AGBL3: variants seen among roughly 807,000 people sequenced by gnomAD.
AGBL3 encodes the protein cytosolic carboxypeptidase 3.
A neutral mutation model predicts 94.5 loss-of-function variants in AGBL3; 68 were observed. The observed-to-expected ratio is 0.72, with a 90% CI of 0.59 to 0.88. AGBL3 has a LOEUF of 0.88. AGBL3 is among the 40% of genes least tolerant of loss of function. The pLI is 0.00. For synonymous variants in AGBL3, 354 were observed against 370.7 expected (o/e 0.95, Z 0.52); for missense variants, 934 against 1,103.8 (o/e 0.85, Z 2.18).
chr7:135,060,769 A>C (rs1563226793), intron 12 of AGBL3, among the ~76,000 whole-genome samples: 1 of 152,262 alleles, frequency 6.6e-6, no homozygotes, highest in Admixed American at 6.5e-5. Context: ...ATCGTGCTAC[A>C]TACCACATTT....
intron 4 of AGBL3, chr7:134,995,411 T>G (rs2133383376): frequency 6.6e-6 from 1 of 152,356 alleles, no homozygotes. Context: ...AGCCCTCACT[T>G]TCAGCCGTCA....
Position 135,130,706 on chromosome 7 carries a change from A to C in AGBL3, c.2343-4135A>C, listed in dbSNP as rs6949706. On this transcript the variant is annotated intron_variant, in intron 16 of 16. Transcript: ENST00000436302. ...TGTATATGCATATAGTGACAGTATA[A>C]CCTGTCTATACCACTGTAGTTCCAG... Among the ~76,000 whole-genome samples, 1,064 of 152,206 alleles carry C rather than the reference A, an allele frequency of 7.0e-3. 15 individuals carry two copies. The highest frequency in any genetic ancestry group is 0.024 in the African/African-American group (1,013 of 41,536).
At chr7:135,032,822 T>G in intron 5 of AGBL3, 22 bp from the exon 6 acceptor site, 1 of 1,536,388 alleles carries the variant, frequency 6.5e-7, no homozygotes, top group Non-Finnish European at 8.8e-7. Flanking sequence ...TTGACATCTT[T>G]ATGATCTTCT....
intron 16 of AGBL3, among the ~76,000 whole-genome samples, chr7:135,126,116 A>G (rs1019760236): frequency 3.9e-5 from 6 of 152,228 alleles, no homozygotes. Context: ...CTCTGTTTGC[A>G]GATGACATGA....
chr7:135,070,589 G>A (rs1160365008), intron 12 of AGBL3, among the ~76,000 whole-genome samples: 5 of 151,982 alleles, frequency 3.3e-5, no homozygotes, highest in African/African-American at 1.2e-4. Context: ...ATCAATAAAC[G>A]TAATCCAGCA....
chr7:135,045,562 C>T lies in AGBL3; in HGVS notation c.1716C>T (p.Pro572=), dbSNP rs370218259. 10 of 1,550,832 alleles carry T rather than the reference C, an allele frequency of 6.4e-6. No individual in the cohort carries two copies. Among genetic ancestry groups the T allele is most frequent in the South Asian group, 1.2e-5 (1 of 84,028 alleles). ...ATTCTCTCTTGGATTATTGTGATCC[C>T]GACCGGACCAAGGTAAGCAAAGTCC... ...FCDSLLDYCD[P]DRTKYYRCLK... is the part of the protein sequence containing the mutation. The change falls in exon 10 of 17, where the codon CCC becomes CCT. Residue 572 remains proline (P), a synonymous_variant. Transcript: ENST00000436302.
chr7:135,023,354 G>A (rs1182996817), intron 5 of AGBL3, among the ~76,000 whole-genome samples: 1 of 152,154 alleles, frequency 6.6e-6, no homozygotes, highest in Non-Finnish European at 1.5e-5. Flanking sequence ...GAGAAAGCTA[G>A]GAACCCTGCA....
chr7:135,112,223 G>C (rs1001416460), intron 15 of AGBL3, among the ~76,000 whole-genome samples: 9 of 152,090 alleles, frequency 5.9e-5, no homozygotes, highest in African/African-American at 2.2e-4. Context: ...TTGTCTCCCT[G>C]CCTTGTGTTT....
rs1809676692 is a variant in AGBL3, at chr7:134,987,912, C to G, written c.-22C>G. ...AGCCTACCCGTATATTACAAGAAATCTCAAGTCAAACACTGGAAAAGATGT... is the reference window on the plus strand; with the variant it reads ...AGCCTACCCGTATATTACAAGAAATGTCAAGTCAAACACTGGAAAAGATGT... On this transcript the variant is annotated 5_prime_UTR_variant, in exon 2 of 17. It adds an upstream start codon to the 5' untranslated region. Transcript: ENST00000436302. The G allele has an allele frequency of 2.0e-6, 3 of 1,536,602 alleles. No homozygotes were observed. Among genetic ancestry groups the G allele is most frequent in the Non-Finnish European group, 2.6e-6 (3 of 1,138,296 alleles).
intron 11 of AGBL3, among the ~76,000 whole-genome samples, chr7:135,047,928 A>G (rs1817523831): frequency 1.3e-5 from 2 of 151,920 alleles, no homozygotes; most frequent in Non-Finnish European, 2.9e-5. Context: ...TGTCGTATCT[A>G]TGAAATCTTT....
At chr7:135,115,677 TTAA>T in intron 16 of AGBL3, 66 bp downstream of exon 16, 1 of 1,286,820 alleles carries the variant, frequency 7.8e-7, no homozygotes, top group Non-Finnish European at 1.1e-6. Flanking sequence ...GCAGGGCTTA[TTAA>T]TTTATTATCC....
intron 4 of AGBL3, among the ~76,000 whole-genome samples, chr7:135,009,561 A>G (rs2133452380): frequency 6.6e-6 from 1 of 151,976 alleles, no homozygotes; most frequent in South Asian, 2.1e-4. Context: ...CTTATTATAG[A>G]TTAAGTATTT....
intron 11 of AGBL3, among the ~76,000 whole-genome samples, chr7:135,048,084 C>T (rs1228191444): frequency 6.6e-6 from 1 of 151,794 alleles, no homozygotes; most frequent in Non-Finnish European, 1.5e-5. Flanking sequence ...TAGCCAGTTT[C>T]CCACCATTAT....
intron 3 of AGBL3, among the ~76,000 whole-genome samples, chr7:134,990,450 G>A (rs912304204): frequency 1.3e-5 from 2 of 152,082 alleles, no homozygotes; most frequent in African/African-American, 4.8e-5. Context: ...TTGTTGAGAG[G>A]TATTCCATTA....
At chr7:135,086,446 G>A (rs1426569510) in intron 15 of AGBL3, among the ~76,000 whole-genome samples, 1 of 152,028 alleles carries the variant, frequency 6.6e-6, no homozygotes, top group Non-Finnish European at 1.5e-5. Context: ...GATATTGGGT[G>A]CGGGTTTGTC....
At chr7:135,008,748 A>G (rs1252908540) in intron 4 of AGBL3, among the ~76,000 whole-genome samples, 1 of 152,200 alleles carries the variant, frequency 6.6e-6, no homozygotes, top group African/African-American at 2.4e-5. Flanking sequence ...TTATCTGACA[A>G]AGGACTTCTA....
At chr7:135,026,987 CGTTTA>C (rs1222451963) in intron 5 of AGBL3, among the ~76,000 whole-genome samples, 5 of 151,626 alleles carry the variant, frequency 3.3e-5, no homozygotes, top group African/African-American at 1.2e-4. Context: ...GTATACCTCA[CGTTTA>C]GTTTGATTGG....
intron 12 of AGBL3, among the ~76,000 whole-genome samples, chr7:135,068,366 A>T (rs1323230024): frequency 1.4e-4 from 21 of 152,306 alleles, no homozygotes; most frequent in Non-Finnish European, 5.9e-5. Context: ...CAACATTCAA[A>T]TTCAGGAAAT....
chr7:135,124,102 T>C (rs903839472), intron 16 of AGBL3, among the ~76,000 whole-genome samples: 6 of 151,858 alleles, frequency 4.0e-5, no homozygotes, highest in Admixed American at 2.6e-4. Flanking sequence ...GACTGGCAAA[T>C]TGGATAAAGA....
Sources: allele counts gnomAD v4.1 joint callset (sites outside exome capture counted in the v4.1 genomes callset), GRCh38; gene constraint gnomAD v4.1.1; transcripts MANE v1.5; gene names NCBI Gene and HGNC (gene_info 2026-07-23, HGNC 2026-07-21).